The following FGGY variants were observed in gnomAD, a reference collection of about 807,000 sequenced individuals.
The protein encoded by FGGY is FGGY carbohydrate kinase domain-containing protein.
Under a neutral mutation model 71.3 loss-of-function variants are expected in FGGY, and 72 were observed. The ratio of observed to expected loss-of-function variants is 1.01; its 90% CI spans 0.84 to 1.23. The LOEUF (loss-of-function observed/expected upper bound fraction) is 1.23. FGGY is among the 50% of genes most tolerant of loss of function. The pLI is 0.00. For synonymous variants in FGGY, 251 were observed against 250.3 expected, an observed-to-expected ratio of 1.00 and a Z score of -0.02; for missense variants, 668 against 682.3, an observed-to-expected ratio of 0.98 and a Z score of 0.23.
intron 6 of FGGY, among the ~76,000 whole-genome samples, chr1:59,507,815 A>G (rs1020334135): frequency 6.6e-6 from 1 of 151,174 alleles, no homozygotes; most frequent in African/African-American, 2.4e-5. Flanking sequence ...GATTACAGGC[A>G]TGAGCAACCA....
intron 11 of FGGY, among the ~76,000 whole-genome samples, chr1:59,644,190 T>C (rs1005735530): frequency 6.6e-6 from 1 of 152,144 alleles, no homozygotes; most frequent in African/African-American, 2.4e-5. Flanking sequence ...TAAAAAAAAA[T>C]AGCCACTCGT....
At chr1:59,709,806 C>CCAA (rs1299933899) in intron 14 of FGGY, among the ~76,000 whole-genome samples, 2 of 152,214 alleles carry the variant, frequency 1.3e-5, no homozygotes, top group Non-Finnish European at 2.9e-5. Context: ...GTCACTCCTT[C>CCAA]CAACAGGCCT....
intron 12 of FGGY, 69 bp downstream of exon 12, chr1:59,660,362 C>A: frequency 8.9e-7 from 1 of 1,117,766 alleles, no homozygotes; most frequent in South Asian, 1.3e-5. Context: ...ACTGGCTCCC[C>A]AAGATACAGC....
intron 10 of FGGY, among the ~76,000 whole-genome samples, chr1:59,627,926 G>A (rs2096874699): frequency 6.6e-6 from 1 of 152,120 alleles, no homozygotes; most frequent in Admixed American, 6.5e-5. Context: ...GAAATGACAG[G>A]TCTTCCTCTT....
intron 8 of FGGY, among the ~76,000 whole-genome samples, chr1:59,575,295 T>C (rs1184863717): frequency 1.3e-5 from 2 of 152,210 alleles, no homozygotes; most frequent in Non-Finnish European, 1.5e-5. Flanking sequence ...ATAACCAACA[T>C]TCTACTCTCT....
chr1:59,601,045 G>A (rs2096572729), intron 8 of FGGY, among the ~76,000 whole-genome samples: 1 of 147,534 alleles, frequency 6.8e-6, no homozygotes, highest in Non-Finnish European at 1.5e-5. Flanking sequence ...TGTATAAATG[G>A]TTTTTCTCTA....
chr1:59,305,425 A>G (rs2043303403), intron 1 of FGGY, among the ~76,000 whole-genome samples: 1 of 152,112 alleles, frequency 6.6e-6, no homozygotes. Flanking sequence ...ATGGTGAATG[A>G]TCTTCTTAAT....
At chr1:59,738,974 C>T (rs936566589) in intron 14 of FGGY, among the ~76,000 whole-genome samples, 3 of 152,178 alleles carry the variant, frequency 2.0e-5, no homozygotes, top group Non-Finnish European at 4.4e-5. Context: ...CTTTCCTGCC[C>T]AAACCACTGG....
At chr1:59,682,776 T>G (rs2097513583) in intron 14 of FGGY, among the ~76,000 whole-genome samples, 1 of 152,228 alleles carries the variant, frequency 6.6e-6, no homozygotes, top group Non-Finnish European at 1.5e-5. Flanking sequence ...GACATTCAAC[T>G]GAGTCACCCA....
intron 6 of FGGY, among the ~76,000 whole-genome samples, chr1:59,496,303 A>G (rs2094029148): frequency 6.6e-6 from 1 of 152,206 alleles, no homozygotes; most frequent in African/African-American, 2.4e-5. Context: ...TGGACCGGAT[A>G]AAGAAAATAT....
chr1:59,404,543 C>A (rs952801111), intron 5 of FGGY, among the ~76,000 whole-genome samples: 1 of 151,996 alleles, frequency 6.6e-6, no homozygotes, highest in African/African-American at 2.4e-5. Flanking sequence ...AGTTGTTGAG[C>A]GTAGAACAGC....
At chr1:59,343,368 T>G (rs1287696282) in intron 3 of FGGY, among the ~76,000 whole-genome samples, 1 of 152,180 alleles carries the variant, frequency 6.6e-6, no homozygotes, top group African/African-American at 2.4e-5. Context: ...GCTGCCTTAT[T>G]GTATAGAACC....
chr1:59,535,820 T>C (rs1214674609), intron 7 of FGGY, among the ~76,000 whole-genome samples: 5 of 148,400 alleles, frequency 3.4e-5, no homozygotes, highest in Non-Finnish European at 5.9e-5. Flanking sequence ...ATCTCTGGGA[T>C]GCATTCAAAG....
At chr1:59,444,210 C>T (rs6660603) in intron 5 of FGGY, among the ~76,000 whole-genome samples, 75,294 of 151,970 alleles carry the variant, frequency 0.5, 19,285 homozygotes, top group Middle Eastern at 0.58. Flanking sequence ...ACCCTTGACC[C>T]CGGGTCTTTG....
chr1:59,465,633 C>CA (rs1239215081), intron 6 of FGGY, among the ~76,000 whole-genome samples: 63 of 152,238 alleles, frequency 4.1e-4, no homozygotes, highest in African/African-American at 1.4e-3. Flanking sequence ...AAAATCTCCT[C>CA]AGCTAATAAG....
At chr1:59,715,018 T>G (rs186984879) in intron 14 of FGGY, among the ~76,000 whole-genome samples, 302 of 152,320 alleles carry the variant, frequency 2.0e-3, no homozygotes, top group Non-Finnish European at 3.1e-3. Context: ...CATTTCTGGA[T>G]GCCCTTTGTT....
intron 5 of FGGY, among the ~76,000 whole-genome samples, chr1:59,425,595 C>T (rs1425516302): frequency 6.6e-6 from 1 of 152,204 alleles, no homozygotes; most frequent in Non-Finnish European, 1.5e-5. Flanking sequence ...GGCTCTGCCT[C>T]ATGCCTGTGT....
At chr1:59,508,692 C>G (rs1202735127) in intron 6 of FGGY, among the ~76,000 whole-genome samples, 4 of 152,164 alleles carry the variant, frequency 2.6e-5, no homozygotes, top group Admixed American at 1.3e-4. Flanking sequence ...AAACAAAGCT[C>G]CTTCCTGCTT....
chr1:59,347,268 C>G (rs937231373), intron 4 of FGGY, among the ~76,000 whole-genome samples: 26 of 130,296 alleles, frequency 2.0e-4, no homozygotes, highest in Admixed American at 1.9e-3. Flanking sequence ...CACAACAGGC[C>G]CCGGTGTGTG....
Sources: gnomAD v4.1 joint callset for allele counts (sites outside exome capture counted in the v4.1 genomes callset) on GRCh38, gnomAD v4.1.1 for gene constraint, MANE v1.5 for transcripts, NCBI Gene and HGNC (gene_info 2026-07-23, HGNC 2026-07-21) for gene names.